XRN2: variants seen among roughly 807,000 people sequenced by gnomAD.
The protein encoded by XRN2 is 5'-3' exoribonuclease 2.
XRN2 carries 44 observed loss-of-function variants against 138.5 expected under a neutral mutation model. The ratio of observed to expected loss-of-function variants is 0.32; its 90% CI spans 0.25 to 0.41. The LOEUF (loss-of-function observed/expected upper bound fraction) is 0.41. XRN2 is among the 10% of genes least tolerant of loss of function. The pLI is 1.00. For synonymous variants in XRN2, 354 were observed against 369.4 expected, an observed-to-expected ratio of 0.96 and a Z score of 0.48; for missense variants, 937 against 1,169.3, an observed-to-expected ratio of 0.80 and a Z score of 2.90.
chr20:21,324,665 AC>A (rs534811418), intron 1 of XRN2, among the ~76,000 whole-genome samples: 91 of 152,036 alleles, frequency 6.0e-4, no homozygotes, highest in Non-Finnish European at 9.7e-4. Context: ...ATGAGATCTT[AC>A]TCTGTCGCCC....
intron 1 of XRN2, among the ~76,000 whole-genome samples, chr20:21,304,673 A>T (rs1166856203): frequency 4.6e-5 from 7 of 152,208 alleles, no homozygotes; most frequent in African/African-American, 1.7e-4. Flanking sequence ...TTAGTCACCT[A>T]TTCAGCCCTC....
Position 21,330,661 on chromosome 20 carries a change from A to G in XRN2, c.532A>G (p.Ile178Val), listed in dbSNP as rs754308794. ...TCTTGCTAAATGCCTTCGCTATTACATAGCTGATCGTTTAAATAATGACCC... is the reference window on the plus strand; with the variant it reads ...TCTTGCTAAATGCCTTCGCTATTACGTAGCTGATCGTTTAAATAATGACCC... ...DNLAKCLRYY[I>V]ADRLNNDPGW... Residue 178 changes from isoleucine (I) to valine (V), a missense_variant, in exon 6 of 30, where the codon ATA becomes GTA. Around this residue, in one of 6 missense-constraint regions of XRN2, gnomAD observed 471 missense variants for 581.2 expected, o/e 0.81. Coordinates refer to ENST00000377191, the MANE Select transcript of XRN2 (RefSeq NM_012255.5). The G allele has an allele frequency of 1.2e-5, 19 of 1,613,314 alleles. No individual in the cohort carries two copies. In the Admixed American group the frequency reaches 2.7e-4, roughly 23 times the overall value.
At chr20:21,372,025 A>G (rs974514706) in intron 27 of XRN2, among the ~76,000 whole-genome samples, 8 of 152,244 alleles carry the variant, frequency 5.3e-5, no homozygotes, top group East Asian at 1.9e-4. Context: ...ACAAAGTACA[A>G]AATACTTACA....
At chr20:21,388,793 C>T (rs1365299803) in intron 29 of XRN2, among the ~76,000 whole-genome samples, 3 of 152,178 alleles carry the variant, frequency 2.0e-5, no homozygotes, top group Non-Finnish European at 4.4e-5. Context: ...ATTTAAAGCC[C>T]TACTATTTGT....
intron 1 of XRN2, among the ~76,000 whole-genome samples, chr20:21,309,669 A>C (rs1271073502): frequency 6.6e-6 from 1 of 152,156 alleles, no homozygotes; most frequent in East Asian, 1.9e-4. Flanking sequence ...GAATTGGCTG[A>C]CATAAAGTTG....
chr20:21,338,674 G>C (rs1234942146), intron 13 of XRN2, among the ~76,000 whole-genome samples: 2 of 152,148 alleles, frequency 1.3e-5, no homozygotes, highest in African/African-American at 4.8e-5. Flanking sequence ...CTTAAGAATT[G>C]TTGAGTTGTT....
chr20:21,310,699 G>A (rs372679674), intron 1 of XRN2, among the ~76,000 whole-genome samples: 7 of 151,792 alleles, frequency 4.6e-5, no homozygotes, highest in East Asian at 3.9e-4. Context: ...GGACGTTTTT[G>A]TAGGTAACAT....
chr20:21,378,446 C>T (rs948161795), intron 27 of XRN2, among the ~76,000 whole-genome samples: 1 of 152,190 alleles, frequency 6.6e-6, no homozygotes. Context: ...AGAGTGGTTA[C>T]GGGGACATAG....
At chr20:21,304,789 C>G (rs2037792670) in intron 1 of XRN2, among the ~76,000 whole-genome samples, 1 of 152,134 alleles carries the variant, frequency 6.6e-6, no homozygotes, top group African/African-American at 2.4e-5. Context: ...TAACGTATCC[C>G]TTGACTCAAT....
rs186206328 is a variant in XRN2, at chr20:21,321,521, T to C, written c.76-4758T>C. Among the ~76,000 whole-genome samples the C allele has an allele frequency of 8.1e-4, 123 of 152,188 alleles. 1 individual carries two copies. The South Asian group carries it at 0.024, about 30-fold the overall frequency. ...TCTTGATGGGGCTCCAGGACTCTTATGTTCCCCAGGCTGGCCTTGAACTCC... is the reference window on the plus strand; with the variant it reads ...TCTTGATGGGGCTCCAGGACTCTTACGTTCCCCAGGCTGGCCTTGAACTCC... On this transcript the variant is annotated intron_variant, in intron 1 of 29. Coordinates refer to ENST00000377191, the MANE Select transcript of XRN2 (RefSeq NM_012255.5).
At chr20:21,374,556 G>C (rs1392972802) in intron 27 of XRN2, among the ~76,000 whole-genome samples, 1 of 151,866 alleles carries the variant, frequency 6.6e-6, no homozygotes, top group Non-Finnish European at 1.5e-5. Flanking sequence ...AAAACCTGGG[G>C]GTTTTGTTTG....
chr20:21,310,003 T>C (rs2037858431), intron 1 of XRN2, among the ~76,000 whole-genome samples: 1 of 152,216 alleles, frequency 6.6e-6, no homozygotes, highest in African/African-American at 2.4e-5. Flanking sequence ...GTTTAACTTG[T>C]TTTTTCTCTT....
chr20:21,325,519 T>A (rs1245404109), intron 1 of XRN2, among the ~76,000 whole-genome samples: 1 of 152,140 alleles, frequency 6.6e-6, no homozygotes, highest in Non-Finnish European at 1.5e-5. Context: ...GACATTTGAT[T>A]TGAGTGTAGA....
intron 29 of XRN2, among the ~76,000 whole-genome samples, chr20:21,387,988 G>A (rs764215616): frequency 2.6e-5 from 4 of 152,090 alleles, no homozygotes; most frequent in Non-Finnish European, 5.9e-5. Context: ...TCAGTTTATC[G>A]AATTTTGCTT....
At chr20:21,328,301 A>G (rs749585583) in intron 3 of XRN2, among the ~76,000 whole-genome samples, 2 of 152,212 alleles carry the variant, frequency 1.3e-5, no homozygotes, top group Admixed American at 6.5e-5. Flanking sequence ...GGCTTGAAGT[A>G]TAAGTGCTAG....
rs750192201 is a variant in XRN2, at chr20:21,340,742, C to G, written c.1300C>G (p.Pro434Ala). ...TTAGAGAGATCAACCAGCTTTCACT[C>G]CTAGTGGAATATTAACTCCTCATGC... ...RMKRDQPAFT[P>A]SGILTPHALG... Residue 434 changes from proline (P) to alanine (A), a missense_variant, in exon 15 of 30, where the codon CCT (proline) becomes GCT (alanine). Pro to Ala is a conservative substitution (Grantham distance 27). Coordinates refer to ENST00000377191, the MANE Select transcript of XRN2 (RefSeq NM_012255.5). The G allele has an allele frequency of 6.2e-7, 1 of 1,613,898 alleles. No individual in the cohort carries two copies. The highest frequency in any genetic ancestry group is 8.5e-7 in the Non-Finnish European group (1 of 1,179,862).
At chr20:21,338,327 A>C (rs1004344158) in intron 13 of XRN2, among the ~76,000 whole-genome samples, 4 of 152,162 alleles carry the variant, frequency 2.6e-5, no homozygotes, top group African/African-American at 9.7e-5. Context: ...AGATGAACAC[A>C]AAATTCTGTC....
chr20:21,372,317 T>G (rs2038772495), intron 27 of XRN2, among the ~76,000 whole-genome samples: 1 of 152,210 alleles, frequency 6.6e-6, no homozygotes, highest in Admixed American at 6.5e-5. Context: ...GTGGGGAATT[T>G]GGGCTCCTCT....
rs150849085 is a variant in XRN2 at position 21,332,806 on chromosome 20, T to G, written c.858+366T>G. 2.2e-3 allele frequency among the ~76,000 whole-genome samples: 328 copies of G among 152,364 alleles called. 2 individuals carry two copies. The highest frequency in any genetic ancestry group is 7.6e-3 in the African/African-American group (315 of 41,584). On this transcript the variant is annotated intron_variant, in intron 9 of 29. Coordinates refer to ENST00000377191, the MANE Select transcript of XRN2 (RefSeq NM_012255.5). ...GATATTGCCTATATCTACACGAGGC[T>G]TAGTTCCCATAGATAATAATGCCCA... is the stretch of plus-strand genomic sequence containing the variant.
Sources: allele counts gnomAD v4.1 joint callset (sites outside exome capture counted in the v4.1 genomes callset), GRCh38; gene constraint gnomAD v4.1.1; regional missense constraint gnomAD v4.1.1; transcripts MANE v1.5; gene names NCBI Gene and HGNC (gene_info 2026-07-23, HGNC 2026-07-21).